The following SUGCT variants were observed in gnomAD, a reference collection of about 807,000 sequenced individuals.
SUGCT encodes succinyl-CoA:glutarate-CoA transferase.
Under a neutral mutation model 55.0 loss-of-function variants are expected in SUGCT, and 41 were observed. The observed-to-expected ratio is 0.74, with a 90% CI of 0.58 to 0.97. SUGCT has a LOEUF of 0.97. Ranked by LOEUF, SUGCT falls within the 50% of genes least tolerant of loss-of-function variation. The pLI is 0.00. For synonymous variants in SUGCT, 187 were observed against 200.4 expected, an observed-to-expected ratio of 0.93 and a Z score of 0.56; for missense variants, 568 against 547.8, an observed-to-expected ratio of 1.04 and a Z score of -0.37.
At chr7:40,612,052 T>A (rs1798791160) in intron 12 of SUGCT, among the ~76,000 whole-genome samples, 1 of 151,934 alleles carries the variant, frequency 6.6e-6, no homozygotes, top group East Asian at 1.9e-4. Context: ...GTAACAACAT[T>A]CTTAAATTAC....
At chr7:40,170,001 T>C (rs1423466309) in intron 1 of SUGCT, among the ~76,000 whole-genome samples, 1 of 152,166 alleles carries the variant, frequency 6.6e-6, no homozygotes, top group East Asian at 1.9e-4. Flanking sequence ...CAGTCTCTCT[T>C]CTTTTCCTTG....
chr7:40,391,722 G>GT (rs1199717664), intron 9 of SUGCT, among the ~76,000 whole-genome samples: 1 of 152,192 alleles, frequency 6.6e-6, no homozygotes, highest in Non-Finnish European at 1.5e-5. Flanking sequence ...GGAAGACAGT[G>GT]TGGTGATTCC....
At chr7:40,494,118 T>C (rs1419336782) in intron 11 of SUGCT, among the ~76,000 whole-genome samples, 1 of 152,234 alleles carries the variant, frequency 6.6e-6, no homozygotes, top group Non-Finnish European at 1.5e-5. Flanking sequence ...ACTATTCCCC[T>C]GAGTTTTCTG....
intron 9 of SUGCT, among the ~76,000 whole-genome samples, chr7:40,379,963 AC>A (rs1267564570): frequency 6.6e-6 from 1 of 152,152 alleles, no homozygotes; most frequent in African/African-American, 2.4e-5. Flanking sequence ...TCTATTGTTT[AC>A]CCCAAATATT....
chr7:40,700,113 A>G (rs1241498330), intron 12 of SUGCT, among the ~76,000 whole-genome samples: 1 of 152,192 alleles, frequency 6.6e-6, no homozygotes, highest in Non-Finnish European at 1.5e-5. Flanking sequence ...GATGACATTG[A>G]TAAGTGTGGG....
chr7:40,760,923 A>T (rs1788497453), intron 13 of SUGCT, among the ~76,000 whole-genome samples: 2 of 152,238 alleles, frequency 1.3e-5, no homozygotes, highest in Non-Finnish European at 2.9e-5. Context: ...ATTAAGTGGA[A>T]ACACAGTATA....
At chr7:40,495,881 T>A (rs1042323241) in intron 11 of SUGCT, among the ~76,000 whole-genome samples, 3 of 152,082 alleles carry the variant, frequency 2.0e-5, no homozygotes, top group African/African-American at 7.2e-5. Context: ...ATATTAGTAT[T>A]TTTTTTGTTT....
chr7:41,032,406 G>T, the SUGCT span, among the ~76,000 whole-genome samples: 1 of 151,546 alleles, frequency 6.6e-6, no homozygotes, highest in African/African-American at 2.4e-5. Context: ...GCAGAAGATT[G>T]CTGGCGATTC....
intron 13 of SUGCT, among the ~76,000 whole-genome samples, chr7:40,823,295 G>A (rs1055555666): frequency 6.6e-6 from 1 of 152,022 alleles, no homozygotes; most frequent in African/African-American, 2.4e-5. Flanking sequence ...CTGGTGTTGG[G>A]TTCTGACACT....
intron 1 of SUGCT, 101 bp from the exon 2 acceptor site, chr7:40,180,846 A>T (rs913364377): frequency 3.5e-6 from 3 of 869,462 alleles, no homozygotes; most frequent in Non-Finnish European, 5.6e-6. Flanking sequence ...GCTAAGAATC[A>T]CTGTAGTCCT....
chr7:40,331,155 C>T lies in SUGCT; in HGVS notation c.816+14300C>T, dbSNP rs574702175. ...CATTCAAAGCGTCCTGGGCCACATGCGGCTTGGGGGCTGCGGGTTGGACAA... is the reference window on the plus strand; with the variant it reads ...CATTCAAAGCGTCCTGGGCCACATGTGGCTTGGGGGCTGCGGGTTGGACAA... On this transcript the variant is annotated intron_variant, in intron 9 of 13. Transcript: ENST00000335693. Among the ~76,000 whole-genome samples the T allele has an allele frequency of 2.6e-4, 39 of 152,190 alleles. No individual in the cohort carries two copies. In the East Asian group the frequency reaches 6.0e-3, roughly 23 times the overall value.
chr7:40,987,999 T>C, the SUGCT span, among the ~76,000 whole-genome samples: 1 of 151,890 alleles, frequency 6.6e-6, no homozygotes. Flanking sequence ...GCTTGGAGAA[T>C]GGAGAAGTGG....
chr7:40,707,473 G>A (rs1369213447), intron 12 of SUGCT, among the ~76,000 whole-genome samples: 1 of 152,172 alleles, frequency 6.6e-6, no homozygotes, highest in Non-Finnish European at 1.5e-5. Flanking sequence ...TTCCCTGAAG[G>A]AAGTGCTTGT....
the SUGCT span, among the ~76,000 whole-genome samples, chr7:41,024,419 C>G: frequency 7.5e-4 from 114 of 152,152 alleles, 1 homozygote; most frequent in Non-Finnish European, 1.1e-3. Context: ...AAGCCACAGA[C>G]TAGGAGAAGA....
intron 10 of SUGCT, among the ~76,000 whole-genome samples, chr7:40,457,891 G>A (rs1260245928): frequency 6.6e-6 from 1 of 152,172 alleles, no homozygotes; most frequent in Non-Finnish European, 1.5e-5. Flanking sequence ...TACGGAGGGA[G>A]GGTGTCTAAC....
chr7:40,974,051 G>T, the SUGCT span, among the ~76,000 whole-genome samples: 1 of 152,326 alleles, frequency 6.6e-6, no homozygotes, highest in South Asian at 2.1e-4. Flanking sequence ...TTCAGAGAAA[G>T]AATTCTGGCT....
intron 13 of SUGCT, among the ~76,000 whole-genome samples, chr7:40,789,365 T>C (rs1790195682): frequency 6.6e-6 from 1 of 152,218 alleles, no homozygotes. Flanking sequence ...AGGCAGTCTT[T>C]ATCCTGTGAC....
intron 1 of SUGCT, among the ~76,000 whole-genome samples, chr7:40,143,334 G>A (rs894157871): frequency 8.5e-5 from 13 of 152,210 alleles, no homozygotes; most frequent in African/African-American, 3.1e-4. Flanking sequence ...CTTGGTCGTT[G>A]GAGACATGAG....
intron 6 of SUGCT, among the ~76,000 whole-genome samples, chr7:40,236,942 T>C (rs1292567250): frequency 1.3e-5 from 2 of 152,004 alleles, no homozygotes; most frequent in African/African-American, 4.8e-5. Context: ...AAGTGATTCT[T>C]GTGCCTCAGC....
Sources: allele counts gnomAD v4.1 joint callset (sites outside exome capture counted in the v4.1 genomes callset), GRCh38; gene constraint gnomAD v4.1.1; transcripts MANE v1.5; gene names NCBI Gene and HGNC (gene_info 2026-07-23, HGNC 2026-07-21).